The following CCSER1 variants were observed in gnomAD, a reference collection of about 807,000 sequenced individuals.
The protein encoded by CCSER1 is coiled-coil serine rich protein 1.
Under a neutral mutation model 82.0 loss-of-function variants are expected in CCSER1, and 41 were observed. That is an observed-to-expected ratio of 0.50 (90% confidence interval 0.39 to 0.65). The LOEUF (loss-of-function observed/expected upper bound fraction) is 0.65. Among genes scored for constraint, CCSER1 ranks in the 30% least tolerant of loss-of-function variants. CCSER1 has a pLI of 0.00. For synonymous variants in CCSER1, 414 were observed against 383.9 expected (o/e 1.08, Z -0.92); for missense variants, 1,119 against 1,064.2 (o/e 1.05, Z -0.72).
At chr4:91,113,875 C>T (rs1378265578) in intron 10 of CCSER1, among the ~76,000 whole-genome samples, 2 of 147,516 alleles carry the variant, frequency 1.4e-5, no homozygotes, top group Non-Finnish European at 3.0e-5. Context: ...TTTTTTGATA[C>T]GGAGTCTCGC....
chr4:90,982,168 A>G (rs1736172749), intron 9 of CCSER1, among the ~76,000 whole-genome samples: 1 of 151,858 alleles, frequency 6.6e-6, no homozygotes, highest in Middle Eastern at 3.2e-3. Context: ...TTCAAGATCA[A>G]GATGCTGGCA....
intron 10 of CCSER1, among the ~76,000 whole-genome samples, chr4:91,357,775 T>C (rs1748947170): frequency 1.3e-5 from 2 of 150,922 alleles, no homozygotes; most frequent in Non-Finnish European, 3.0e-5. Context: ...GTCTCAACTT[T>C]CTGACTTATT....
chr4:90,685,020 C>A (rs890904114), intron 6 of CCSER1, among the ~76,000 whole-genome samples: 2 of 152,102 alleles, frequency 1.3e-5, no homozygotes, highest in Non-Finnish European at 2.9e-5. Context: ...TGAAAATGGA[C>A]TAAATATTTG....
intron 5 of CCSER1, among the ~76,000 whole-genome samples, chr4:90,619,768 T>C (rs532679855): frequency 6.6e-6 from 1 of 152,080 alleles, no homozygotes; most frequent in South Asian, 2.1e-4. Context: ...TTTATGTGTA[T>C]AGAATTTTTA....
chr4:91,079,683 G>A (rs1197778980), intron 9 of CCSER1, among the ~76,000 whole-genome samples: 1 of 152,156 alleles, frequency 6.6e-6, no homozygotes, highest in African/African-American at 2.4e-5. Flanking sequence ...CATCTCACAT[G>A]CAGAGACAAA....
At chr4:90,391,187 C>G (rs1272568667) in intron 3 of CCSER1, among the ~76,000 whole-genome samples, 1 of 142,684 alleles carries the variant, frequency 7.0e-6, no homozygotes, top group Non-Finnish European at 1.5e-5. Context: ...GCAGGAGAAT[C>G]TCTTGAACCT....
At chr4:90,759,462 T>A (rs563884018) in intron 7 of CCSER1, among the ~76,000 whole-genome samples, 1 of 152,300 alleles carries the variant, frequency 6.6e-6, no homozygotes, top group African/African-American at 2.4e-5. Flanking sequence ...AGCAAAATAG[T>A]CAGAACCAGA....
intron 9 of CCSER1, among the ~76,000 whole-genome samples, chr4:90,975,119 C>T (rs1012997921): frequency 6.6e-6 from 1 of 151,284 alleles, no homozygotes; most frequent in African/African-American, 2.4e-5. Context: ...CACAAAACAT[C>T]ACTTATTGTA....
chr4:90,830,940 C>T (rs536109351), intron 8 of CCSER1, among the ~76,000 whole-genome samples: 1 of 152,168 alleles, frequency 6.6e-6, no homozygotes, highest in East Asian at 1.9e-4. Flanking sequence ...TTCCCATTGT[C>T]CTTTTTCATG....
At position 90,180,164 on chromosome 4, in the gene CCSER1, T is replaced by A. The variant is rs1021270954; in HGVS notation, c.-42+52333T>A. On this transcript the variant is annotated intron_variant, in intron 1 of 10. Transcript: ENST00000509176. The stretch of plus-strand genomic sequence containing the variant: ...TATAAATTATATTTTGCTTTTGTTA[T>A]GTTTAGTGGAGAAACGATAACTAAA... Among the ~76,000 whole-genome samples the A allele has an allele frequency of 2.0e-5, 3 of 150,900 alleles. No individual in the cohort carries two copies. In the South Asian group the frequency reaches 6.2e-4, roughly 31 times the overall value.
At chr4:90,781,619 A>G in intron 7 of CCSER1, 1 of 975,386 alleles carries the variant, frequency 1.0e-6, no homozygotes, top group Non-Finnish European at 1.2e-6. Context: ...GGTGTTTTTA[A>G]TACTTTTTTT....
At chr4:91,368,530 T>C (rs1460109367) in intron 10 of CCSER1, among the ~76,000 whole-genome samples, 1 of 152,172 alleles carries the variant, frequency 6.6e-6, no homozygotes, top group African/African-American at 2.4e-5. Flanking sequence ...TTGTTTCTCT[T>C]CTTCTAAAAA....
At chr4:90,754,527 T>C (rs2149494384) in intron 7 of CCSER1, among the ~76,000 whole-genome samples, 1 of 152,214 alleles carries the variant, frequency 6.6e-6, no homozygotes, top group East Asian at 1.9e-4. Flanking sequence ...TTTACACAGG[T>C]TGCATATAAT....
intron 10 of CCSER1, 134 bp downstream of exon 10, chr4:91,086,128 C>A (rs1723370738): frequency 3.3e-6 from 2 of 608,854 alleles, no homozygotes; most frequent in Non-Finnish European, 6.0e-6. Context: ...ATGTTGTCTG[C>A]ATATGGCTCT....
chr4:91,545,040 C>T (rs1257166166), intron 10 of CCSER1, among the ~76,000 whole-genome samples: 5 of 152,032 alleles, frequency 3.3e-5, no homozygotes, highest in Admixed American at 2.0e-4. Flanking sequence ...GATGCCCCTC[C>T]CCCAGCCTCA....
intron 10 of CCSER1, among the ~76,000 whole-genome samples, chr4:91,503,313 A>G (rs901423094): frequency 6.6e-6 from 1 of 151,114 alleles, no homozygotes; most frequent in Non-Finnish European, 1.5e-5. Context: ...CTGCAGTCCA[A>G]CCTGGGAGAA....
chr4:91,188,357 T>A (rs1734739723), intron 10 of CCSER1, among the ~76,000 whole-genome samples: 1 of 152,218 alleles, frequency 6.6e-6, no homozygotes, highest in South Asian at 2.1e-4. Flanking sequence ...GTTTTAATTT[T>A]CTTGGGCAAT....
intron 7 of CCSER1, among the ~76,000 whole-genome samples, chr4:90,799,593 C>A (rs1053841529): frequency 6.6e-6 from 1 of 152,066 alleles, no homozygotes; most frequent in Non-Finnish European, 1.5e-5. Flanking sequence ...TCTGGGGCCC[C>A]AGGAGAAGCC....
intron 1 of CCSER1, among the ~76,000 whole-genome samples, chr4:90,305,564 A>AT (rs140453714): frequency 0.014 from 2,179 of 152,316 alleles, 35 homozygotes; most frequent in African/African-American, 0.043. Context: ...AAAATCACAC[A>AT]TTTTTATTTG....
Sources: gnomAD v4.1 joint callset for allele counts (sites outside exome capture counted in the v4.1 genomes callset) on GRCh38, gnomAD v4.1.1 for gene constraint, MANE v1.5 for transcripts, NCBI Gene and HGNC (gene_info 2026-07-23, HGNC 2026-07-21) for gene names.